The following NCBP1 variants were observed in gnomAD, a reference collection of about 807,000 sequenced individuals.
NCBP1 encodes nuclear cap binding protein subunit 1.
In NCBP1, 16 loss-of-function variants were observed where a neutral mutation model predicts 111.7. The ratio of observed to expected loss-of-function variants is 0.14; its 90% CI spans 0.10 to 0.22. The LOEUF is 0.22. NCBP1 is among the 10% of genes least tolerant of loss of function. NCBP1 has a pLI of 1.00. For synonymous variants in NCBP1, 304 were observed against 314.3 expected (o/e 0.97, Z 0.35); for missense variants, 607 against 957.5 (o/e 0.63, Z 4.83).
intron 5 of NCBP1, 41 bp downstream of exon 5, chr9:97,645,265 G>A: frequency 6.9e-7 from 1 of 1,451,098 alleles, no homozygotes; most frequent in Non-Finnish European, 9.7e-7. Flanking sequence ...GGGTTCTTGA[G>A]GGGTTACTGA....
rs1457798515 is a variant in NCBP1 at position 97,645,943 on chromosome 9, T to A, written c.611+211T>A. ...CCAGTGCAAAGGACAGTTGGCAATA[T>A]AGCTTCTTTTAAGCTGCTTTTATAT... On this transcript the variant is annotated intron_variant, in intron 6 of 22. Coordinates refer to ENST00000375147, the MANE Select transcript of NCBP1 (RefSeq NM_002486.5). Among the ~76,000 whole-genome samples the A allele has an allele frequency of 2.0e-5, 3 of 152,242 alleles. No homozygotes were observed. In the East Asian group the frequency reaches 5.8e-4, roughly 29 times the overall value.
intron 8 of NCBP1, among the ~76,000 whole-genome samples, chr9:97,649,137 A>G (rs1827429663): frequency 6.6e-6 from 1 of 152,236 alleles, no homozygotes; most frequent in African/African-American, 2.4e-5. Flanking sequence ...AAGTATTTTT[A>G]ATTAAAAAAT....
At position 97,645,702 on chromosome 9, in the gene NCBP1, G is replaced by A. The variant is rs780266538; in HGVS notation, c.581G>A (p.Arg194His). The change falls in exon 6 of 23, where the codon CGC becomes CAC. Residue 194 changes from arginine to histidine, a missense_variant. Coordinates refer to ENST00000375147, the MANE Select transcript of NCBP1 (RefSeq NM_002486.5). ...GAAAAGAAAGATGCAGAGATGGACCGCATCTTTGCCAACACTGAAAGCTAT... is the reference window on the plus strand; with the variant it reads ...GAAAAGAAAGATGCAGAGATGGACCACATCTTTGCCAACACTGAAAGCTAT... ...LYEKKDAEMD[R>H]IFANTESYLK... is the part of the protein sequence containing the mutation. The A allele has an allele frequency of 2.6e-5, 42 of 1,613,798 alleles. No homozygotes were observed. Among genetic ancestry groups the A allele is most frequent in the African/African-American group, 1.2e-4 (9 of 74,920 alleles).
chr9:97,646,097 A>G (rs2131338943), intron 6 of NCBP1, among the ~76,000 whole-genome samples: 1 of 152,358 alleles, frequency 6.6e-6, no homozygotes, highest in African/African-American at 2.4e-5. Flanking sequence ...ATACAATTTG[A>G]GAGAGAGGTT....
intron 20 of NCBP1, 62 bp from the exon 21 acceptor site, chr9:97,668,784 G>A: frequency 6.5e-7 from 1 of 1,549,404 alleles, no homozygotes; most frequent in South Asian, 1.2e-5. Flanking sequence ...GCTTCCCCTG[G>A]AGGAGATTTA....
At position 97,645,722 on chromosome 9, in the gene NCBP1, A is replaced by G. The variant is rs748653256; in HGVS notation, c.601A>G (p.Ser201Gly). The change falls in exon 6 of 23, where the codon AGC becomes GGC. Residue 201 changes from serine (S) to glycine (G), a missense_variant. Physicochemically the swap from Ser to Gly is moderately conservative, Grantham distance 56 (BLOSUM62 0). Around this residue, in one of 9 missense-constraint regions of NCBP1, gnomAD observed 185 missense variants for 272.0 expected, o/e 0.68. Transcript: ENST00000375147. Reference sequence around the variant, plus strand: ...GGACCGCATCTTTGCCAACACTGAAAGCTATCTTAAGTAAGGGCACAGCTC... The same window carrying G: ...GGACCGCATCTTTGCCAACACTGAAGGCTATCTTAAGTAAGGGCACAGCTC... ...EMDRIFANTE[S>G]YLKRRQKTHV... 24 of 1,613,848 alleles carry G rather than the reference A, an allele frequency of 1.5e-5. 1 individual carries two copies. The Admixed American group carries it at 2.7e-4, about 18-fold the overall frequency.
rs1240365264 is a variant in NCBP1 at position 97,663,396 on chromosome 9, TGA to T, written c.1797+351_1797+352del. ...CATTTAAATAAATTTCATAAAACAG[TGA>T]GTGTGTAATGATAAAACATTGTTTT... On this transcript the variant is annotated intron_variant, in intron 18 of 22. Coordinates refer to ENST00000375147, the MANE Select transcript of NCBP1 (RefSeq NM_002486.5). 7.2e-5 allele frequency among the ~76,000 whole-genome samples: 11 copies of T among 152,330 alleles called. No homozygotes were observed. The East Asian group carries it at 2.1e-3, about 29-fold the overall frequency.
intron 18 of NCBP1, 42 bp downstream of exon 18, chr9:97,663,089 T>C (rs1200090702): frequency 8.2e-6 from 12 of 1,460,250 alleles, no homozygotes; most frequent in African/African-American, 1.4e-5. Flanking sequence ...TCTGATTGTA[T>C]GGGTATAAAA....
rs1477118354 is a variant in NCBP1, at chr9:97,643,196, T to C, written c.225-8T>C. The C allele has an allele frequency of 6.3e-7, 1 of 1,576,744 alleles. No individual in the cohort carries two copies. Among genetic ancestry groups the C allele is most frequent in the South Asian group, 1.2e-5 (1 of 83,476 alleles). On this transcript the variant is annotated splice_polypyrimidine_tract_variant and splice_region_variant and intron_variant, in intron 3 of 22. Coordinates refer to ENST00000375147, the MANE Select transcript of NCBP1 (RefSeq NM_002486.5). The stretch of plus-strand genomic sequence containing the variant: ...GGGTTTTCTTGTTATACTGGGTTCT[T>C]AAATCAGTGCACGCCTATTACCTGA...
Position 97,666,953 on chromosome 9 carries a change from C to G in NCBP1, c.2016+76C>G, listed in dbSNP as rs1001568786. 6.4e-6 allele frequency: 7 copies of G among 1,088,908 alleles called. No individual in the cohort carries two copies. In the African/African-American group the frequency reaches 1.1e-4, roughly 18 times the overall value. The allele number at this position is 1,088,908 out of a possible 1,614,324, so 67.5% of individuals were successfully genotyped here. A position where few individuals can be genotyped will look rare whatever the true frequency, so the allele number is the denominator to read the frequency against. ...CTGGAGAGGATTCAGAGTTCATTAT[C>G]TTGATGATATTTCATTTTTTCTGAG... On this transcript the variant is annotated intron_variant, in intron 20 of 22. Coordinates refer to ENST00000375147, the MANE Select transcript of NCBP1 (RefSeq NM_002486.5).
Position 97,671,082 on chromosome 9 carries a change from A to G in NCBP1, c.2260-4A>G, listed in dbSNP as rs374304148. On this transcript the variant is annotated splice_region_variant and splice_polypyrimidine_tract_variant and intron_variant, in intron 22 of 22. Coordinates refer to ENST00000375147, the MANE Select transcript of NCBP1 (RefSeq NM_002486.5). ...CCTAACTACCCCCTTTTGTGTGTCCACAGCATCACCAAATAATCCAGCAGT... is the reference window on the plus strand; with the variant it reads ...CCTAACTACCCCCTTTTGTGTGTCCGCAGCATCACCAAATAATCCAGCAGT... The G allele has an allele frequency of 7.5e-6, 12 of 1,593,368 alleles. No individual in the cohort carries two copies. The highest frequency in any genetic ancestry group is 1.3e-5 in the African/African-American group (1 of 74,318).
intron 10 of NCBP1, 23 bp from the exon 11 acceptor site, chr9:97,653,775 T>C: frequency 6.3e-7 from 1 of 1,580,274 alleles, no homozygotes; most frequent in Non-Finnish European, 8.7e-7. Flanking sequence ...TGGATTGAAT[T>C]GTGACTCATG....
intron 1 of NCBP1, among the ~76,000 whole-genome samples, chr9:97,636,637 C>CATATGT (rs1827044075): frequency 1.8e-5 from 2 of 111,272 alleles, no homozygotes; most frequent in Admixed American, 9.7e-5. Context: ...GAAAGTAATA[C>CATATGT]ATATATATAT....
Position 97,644,830 on chromosome 9 carries a change from G to A in NCBP1, c.382-287G>A, listed in dbSNP as rs369773404. On this transcript the variant is annotated intron_variant, in intron 4 of 22. Transcript: ENST00000375147. Reference sequence around the variant, plus strand: ...GCACAAAAGCAACCATAGACAATATGTAACTGAATGAGCGTGGCTATTCCA... The same window carrying A: ...GCACAAAAGCAACCATAGACAATATATAACTGAATGAGCGTGGCTATTCCA... 9.2e-5 allele frequency among the ~76,000 whole-genome samples: 14 copies of A among 152,298 alleles called. 1 individual carries two copies. In the East Asian group the frequency reaches 2.1e-3, roughly 23 times the overall value.
chr9:97,643,103 C>T (rs1169808229), intron 3 of NCBP1, 101 bp from the exon 4 acceptor site: 10 of 1,206,112 alleles, frequency 8.3e-6, no homozygotes, highest in East Asian at 2.7e-5. Context: ...AAAAGTAATC[C>T]TGTTCCAAAG....
At chr9:97,635,129 C>T (rs531747002) in intron 1 of NCBP1, among the ~76,000 whole-genome samples, 12 of 152,174 alleles carry the variant, frequency 7.9e-5, no homozygotes, top group African/African-American at 2.9e-4. Context: ...GAGGCAGAAT[C>T]GCATGCATTT....
At chr9:97,647,633 C>T in intron 7 of NCBP1, 72 bp downstream of exon 7, 1 of 1,269,294 alleles carries the variant, frequency 7.9e-7, no homozygotes, top group Non-Finnish European at 1.1e-6. Context: ...CTGTAAGATA[C>T]TCAGACCATT....
At chr9:97,666,268 A>G (rs1827998899) in intron 19 of NCBP1, among the ~76,000 whole-genome samples, 1 of 152,252 alleles carries the variant, frequency 6.6e-6, no homozygotes, top group South Asian at 2.1e-4. Context: ...AGAGCCCATC[A>G]GTTGATACCT....
In NCBP1 at chr9:97,671,041, A is replaced by G. The variant is rs374325974; in HGVS notation, c.2260-45A>G. 4.5e-5 allele frequency: 58 copies of G among 1,289,090 alleles called. No homozygotes were observed. In the African/African-American group the frequency reaches 6.9e-4, roughly 15 times the overall value. 79.9% of individuals were successfully genotyped at this position (1,289,090 alleles called of 1,614,324 possible). A position where few individuals can be genotyped will look rare whatever the true frequency, so the allele number is the denominator to read the frequency against. On this transcript the variant is annotated intron_variant, in intron 22 of 22. Coordinates refer to ENST00000375147, the MANE Select transcript of NCBP1 (RefSeq NM_002486.5). Reference sequence around the variant, plus strand: ...AAGGAAATGTTCCACAAGATTGCTTATATGCTTTTTCCTGACCTAACTACC... The same window carrying G: ...AAGGAAATGTTCCACAAGATTGCTTGTATGCTTTTTCCTGACCTAACTACC...
Sources: gnomAD v4.1 joint callset for allele counts (sites outside exome capture counted in the v4.1 genomes callset) on GRCh38, gnomAD v4.1.1 for gene constraint, gnomAD v4.1.1 regional missense constraint, MANE v1.5 for transcripts, NCBI Gene and HGNC (gene_info 2026-07-23, HGNC 2026-07-21) for gene names.